Variants in IL1RAPL1 observed in about 807,000 individuals in gnomAD.
The protein encoded by IL1RAPL1 is interleukin 1 receptor accessory protein like 1.
In IL1RAPL1, 3 loss-of-function variants were observed where a neutral mutation model predicts 48.4. The observed-to-expected ratio is 0.06, with a 90% CI of 0.03 to 0.16. The LOEUF (loss-of-function observed/expected upper bound fraction) is 0.16. Ranked by LOEUF, IL1RAPL1 falls within the 10% of genes least tolerant of loss-of-function variation. The pLI is 1.00. For synonymous variants in IL1RAPL1, 185 were observed against 187.7 expected, an observed-to-expected ratio of 0.99 and a Z score of 0.12; for missense variants, 349 against 530.6, an observed-to-expected ratio of 0.66 and a Z score of 3.36.
In IL1RAPL1 at chrX:29,236,628, C is replaced by T. The variant is rs182019960; in HGVS notation, c.83-46310C>T. On this transcript the variant is annotated intron_variant, in intron 2 of 10. Transcript: ENST00000378993. ...AGTACAGTGGTGCGATCTCTGCTCA[C>T]TGCAAGCTCCGCCTCCTGGGTTCAC... is the stretch of plus-strand genomic sequence containing the variant. Among the ~76,000 whole-genome samples the T allele has an allele frequency of 9.7e-3, 766 of 78,957 alleles. 12 individuals carry two copies. Among genetic ancestry groups the T allele is most frequent in the African/African-American group, 0.036 (731 of 20,377 alleles). The allele number at this position is 78,957 out of a possible 115,157, so 68.6% of individuals were successfully genotyped here. A position where few individuals can be genotyped will look rare whatever the true frequency, so the allele number is the denominator to read the frequency against.
chrX:29,397,068 A>G (rs1224832147), intron 4 of IL1RAPL1, among the ~76,000 whole-genome samples: 2 of 112,384 alleles, frequency 1.8e-5, no homozygotes, highest in Non-Finnish European at 3.8e-5. Context: ...ATGTTTATTT[A>G]CTGATATTCC....
At chrX:29,913,418 ATATG>A (rs753147440) in intron 6 of IL1RAPL1, among the ~76,000 whole-genome samples, 5 of 110,497 alleles carry the variant, frequency 4.5e-5, no homozygotes, top group Admixed American at 9.7e-5. Flanking sequence ...ATATACACAT[ATATG>A]TATACATATA....
chrX:28,728,877 C>A (rs1388025240), intron 1 of IL1RAPL1, among the ~76,000 whole-genome samples: 1 of 111,272 alleles, frequency 9.0e-6, no homozygotes, highest in African/African-American at 3.3e-5. Context: ...TATTTACTTT[C>A]TTGTAGATAT....
chrX:29,432,622 G>A (rs1243946126), intron 5 of IL1RAPL1, among the ~76,000 whole-genome samples: 1 of 111,660 alleles, frequency 9.0e-6, no homozygotes, highest in African/African-American at 3.2e-5. Context: ...TCTGCCTTGT[G>A]CAATTTTTCT....
chrX:28,691,922 C>T (rs890566318), intron 1 of IL1RAPL1, among the ~76,000 whole-genome samples: 4 of 111,072 alleles, frequency 3.6e-5, no homozygotes, highest in African/African-American at 9.8e-5. Flanking sequence ...TTATTTGGCT[C>T]ATGATTCTGC....
chrX:28,594,920 T>A (rs112876973), intron 1 of IL1RAPL1, among the ~76,000 whole-genome samples: 1,624 of 111,482 alleles, frequency 0.015, 12 homozygotes, highest in Non-Finnish European at 0.023. Context: ...CCATTAGCTT[T>A]GTATCTTTCC....
chrX:29,334,502 G>A (rs1932948498), intron 3 of IL1RAPL1, among the ~76,000 whole-genome samples: 1 of 112,468 alleles, frequency 8.9e-6, no homozygotes, highest in Non-Finnish European at 1.9e-5. Context: ...GGGCGGAGAC[G>A]CTCCTCACTT....
At chrX:28,903,625 T>A (rs1464614342) in intron 2 of IL1RAPL1, among the ~76,000 whole-genome samples, 1 of 110,063 alleles carries the variant, frequency 9.1e-6, no homozygotes, top group Non-Finnish European at 1.9e-5. Context: ...CTTTTCCTCC[T>A]CCTAAAAAGA....
intron 3 of IL1RAPL1, among the ~76,000 whole-genome samples, chrX:29,340,333 A>G (rs1211037775): frequency 9.0e-6 from 1 of 110,914 alleles, no homozygotes; most frequent in East Asian, 2.8e-4. Context: ...TGTGTTCCCC[A>G]TCTCTCCCAC....
chrX:28,856,809 T>G (rs1376171216), intron 2 of IL1RAPL1, among the ~76,000 whole-genome samples: 1 of 111,325 alleles, frequency 9.0e-6, no homozygotes, highest in Non-Finnish European at 1.9e-5. Context: ...TGAAATTAAG[T>G]CAATTAATAA....
At chrX:29,033,243 C>A (rs1036213051) in intron 2 of IL1RAPL1, among the ~76,000 whole-genome samples, 1 of 110,863 alleles carries the variant, frequency 9.0e-6, no homozygotes, top group African/African-American at 3.3e-5. Flanking sequence ...AGGACTTTGC[C>A]GTTTATAGTA....
chrX:29,795,009 A>G (rs1189784680), intron 6 of IL1RAPL1, among the ~76,000 whole-genome samples: 1 of 111,928 alleles, frequency 8.9e-6, no homozygotes, highest in African/African-American at 3.2e-5. Context: ...AATTCTAACC[A>G]CCTTAGGAGT....
At chrX:29,069,669 A>ACACACC (rs1491196944) in intron 2 of IL1RAPL1, among the ~76,000 whole-genome samples, 2 of 101,499 alleles carry the variant, frequency 2.0e-5, no homozygotes, top group Non-Finnish European at 2.0e-5. Context: ...ACACACACAC[A>ACACACC]CCCCTCCCCT....
chrX:29,592,408 A>G (rs997120631), intron 5 of IL1RAPL1, among the ~76,000 whole-genome samples: 5 of 111,211 alleles, frequency 4.5e-5, no homozygotes, highest in African/African-American at 1.6e-4. Flanking sequence ...CATTTAATTC[A>G]CCAGTGTCCA....
chrX:29,142,139 T>TAG (rs1929256171), intron 2 of IL1RAPL1, among the ~76,000 whole-genome samples: 1 of 111,954 alleles, frequency 8.9e-6, no homozygotes, highest in South Asian at 3.7e-4. Context: ...CTAGTCAAAA[T>TAG]TGCTAAGGGA....
At chrX:29,317,770 G>C (rs6653814) in intron 3 of IL1RAPL1, among the ~76,000 whole-genome samples, 4,025 of 112,025 alleles carry the variant, frequency 0.036, 168 homozygotes, top group African/African-American at 0.12. Flanking sequence ...ATGTGGATGT[G>C]TGAATTTATT....
intron 1 of IL1RAPL1, among the ~76,000 whole-genome samples, chrX:28,608,042 T>C (rs1233592816): frequency 9.0e-6 from 1 of 111,679 alleles, no homozygotes; most frequent in East Asian, 2.8e-4. Context: ...CCTGGATGCC[T>C]ACTGGTCTAT....
At chrX:29,454,399 A>G in intron 5 of IL1RAPL1, among the ~76,000 whole-genome samples, 1 of 111,913 alleles carries the variant, frequency 8.9e-6, no homozygotes, top group Admixed American at 9.6e-5. Context: ...GACAGAGACA[A>G]GGGGACAGGC....
intron 2 of IL1RAPL1, among the ~76,000 whole-genome samples, chrX:29,024,263 C>T (rs1027569628): frequency 1.2e-4 from 13 of 111,345 alleles, no homozygotes; most frequent in Non-Finnish European, 1.9e-4. Context: ...GAAAGATGTC[C>T]GGTGTGTTTA....
Sources: allele counts gnomAD v4.1 joint callset (sites outside exome capture counted in the v4.1 genomes callset), GRCh38; gene constraint gnomAD v4.1.1; transcripts MANE v1.5; gene names NCBI Gene and HGNC (gene_info 2026-07-23, HGNC 2026-07-21).